Variants in CEP85L observed in about 807,000 individuals in gnomAD.
The protein encoded by CEP85L is centrosomal protein of 85 kDa-like.
A neutral mutation model predicts 100.3 loss-of-function variants in CEP85L; 60 were observed. That is an observed-to-expected ratio of 0.60 (90% CI 0.49 to 0.74). The LOEUF (loss-of-function observed/expected upper bound fraction) is 0.74, where lower values mean the gene tolerates loss of function less well. CEP85L is among the 30% of genes least tolerant of loss of function. The pLI is 0.00. For synonymous variants in CEP85L, 319 were observed against 322.7 expected (o/e 0.99, Z 0.12); for missense variants, 973 against 936.2 (o/e 1.04, Z -0.51).
At chr6:118,690,729 T>C (rs1777008807) in intron 1 of CEP85L, among the ~76,000 whole-genome samples, 1 of 152,242 alleles carries the variant, frequency 6.6e-6, no homozygotes, top group Admixed American at 6.5e-5. Flanking sequence ...CTTGGCATAG[T>C]GGCTCATGTC....
intron 6 of CEP85L, among the ~76,000 whole-genome samples, chr6:118,487,314 T>TA (rs1163007810): frequency 6.6e-6 from 1 of 152,176 alleles, no homozygotes; most frequent in Non-Finnish European, 1.5e-5. Context: ...TATGGATATA[T>TA]AATTAGGCAA....
intron 5 of CEP85L, among the ~76,000 whole-genome samples, chr6:118,497,158 G>A (rs1426022969): frequency 6.6e-6 from 1 of 152,226 alleles, no homozygotes; most frequent in Non-Finnish European, 1.5e-5. Flanking sequence ...TCAACTGCTT[G>A]AGACTGCAAA....
At chr6:118,558,442 T>G (rs1217194523) in intron 3 of CEP85L, among the ~76,000 whole-genome samples, 1 of 152,104 alleles carries the variant, frequency 6.6e-6, no homozygotes, top group African/African-American at 2.4e-5. Context: ...ATATGTTGTT[T>G]TGCGTAAAGT....
At chr6:118,642,504 T>C (rs1774941410) in intron 1 of CEP85L, among the ~76,000 whole-genome samples, 1 of 152,212 alleles carries the variant, frequency 6.6e-6, no homozygotes, top group Non-Finnish European at 1.5e-5. Context: ...AAGCAGTCAC[T>C]GAAGATGCTT....
chr6:118,690,072 T>TA (rs1374805810), intron 1 of CEP85L, among the ~76,000 whole-genome samples: 1 of 152,118 alleles, frequency 6.6e-6, no homozygotes, highest in African/African-American at 2.4e-5. Flanking sequence ...TCCTTCTGAG[T>TA]AGCTCAGTTT....
chr6:118,492,360 C>A (rs1774630842), intron 5 of CEP85L, among the ~76,000 whole-genome samples: 1 of 152,066 alleles, frequency 6.6e-6, no homozygotes, highest in African/African-American at 2.4e-5. Flanking sequence ...AAAGTAAGAT[C>A]CATGAATCGG....
rs1772387945 is a variant in CEP85L, at chr6:118,464,593, T to A, written c.*812A>T. 6.6e-6 allele frequency: 1 copy of A among 151,780 alleles called. No individual in the cohort carries two copies. The highest frequency in any genetic ancestry group is 1.9e-4 in the East Asian group (1 of 5,194). 9.4% of individuals were successfully genotyped at this position (151,780 alleles called of 1,614,324 possible). A position where few individuals can be genotyped will look rare whatever the true frequency, so the allele number is the denominator to read the frequency against. ...ATATGGCTTTGTTTACATTTATATA[T>A]GTATATATATAAAACATATAAATAA... On this transcript the variant is annotated 3_prime_UTR_variant, in exon 13 of 13. Transcript: ENST00000368491.
At chr6:118,650,117 C>A (rs1775447968) in intron 1 of CEP85L, among the ~76,000 whole-genome samples, 1 of 152,098 alleles carries the variant, frequency 6.6e-6, no homozygotes, top group South Asian at 2.1e-4. Flanking sequence ...GCAAAAATAT[C>A]TCTAAGTTAC....
chr6:118,611,672 T>C (rs966060978), intron 2 of CEP85L, among the ~76,000 whole-genome samples: 1 of 152,196 alleles, frequency 6.6e-6, no homozygotes, highest in Non-Finnish European at 1.5e-5. Flanking sequence ...ACATATGCCA[T>C]GTGAACATTA....
chr6:118,708,750 A>C (rs915935293), intron 1 of CEP85L, among the ~76,000 whole-genome samples: 2 of 152,118 alleles, frequency 1.3e-5, no homozygotes, highest in Non-Finnish European at 2.9e-5. Flanking sequence ...TTTTTCCTTG[A>C]ATAGACTTTT....
intron 10 of CEP85L, among the ~76,000 whole-genome samples, chr6:118,474,890 A>G (rs964453192): frequency 2.0e-5 from 3 of 152,240 alleles, no homozygotes; most frequent in African/African-American, 7.2e-5. Context: ...TCCATAGACT[A>G]CTTTCCCAGG....
intron 4 of CEP85L, among the ~76,000 whole-genome samples, chr6:118,514,498 C>A (rs1229797864): frequency 1.4e-5 from 2 of 137,968 alleles, no homozygotes; most frequent in Admixed American, 7.7e-5. Context: ...GCACTTCAGC[C>A]TGGGAGACAG....
In CEP85L at chr6:118,464,024, G is replaced by C. The variant is rs1772360519; in HGVS notation, c.*1381C>G. 6.6e-6 allele frequency: 1 copy of C among 152,120 alleles called. No homozygotes were observed. Among genetic ancestry groups the C allele is most frequent in the Non-Finnish European group, 1.5e-5 (1 of 67,988 alleles). The allele number at this position is 152,120 out of a possible 1,614,324, so 9.4% of individuals were successfully genotyped here. On this transcript the variant is annotated 3_prime_UTR_variant, in exon 13 of 13. Coordinates refer to ENST00000368491, the MANE Select transcript of CEP85L (RefSeq NM_001042475.3). ...TTATCAAATCAATATTATCCTGCTT[G>C]AGTCACACCCTCTACCCCTCCATCT...
At chr6:118,558,366 A>G (rs1779000031) in intron 3 of CEP85L, among the ~76,000 whole-genome samples, 1 of 152,170 alleles carries the variant, frequency 6.6e-6, no homozygotes. Flanking sequence ...TTTTGTGACC[A>G]GAAATATGCT....
At chr6:118,524,789 T>C (rs922630175) in intron 3 of CEP85L, among the ~76,000 whole-genome samples, 1 of 152,244 alleles carries the variant, frequency 6.6e-6, no homozygotes, top group Admixed American at 6.5e-5. Flanking sequence ...AGTGTGCAGA[T>C]GCTTCTGTGC....
chr6:118,494,888 A>C (rs928443523), intron 5 of CEP85L, among the ~76,000 whole-genome samples: 1 of 152,222 alleles, frequency 6.6e-6, no homozygotes, highest in Admixed American at 6.5e-5. Context: ...GGGATTTTTG[A>C]CAACTAGGAT....
chr6:118,671,191 A>G (rs1448980823), intron 1 of CEP85L, among the ~76,000 whole-genome samples: 3 of 152,160 alleles, frequency 2.0e-5, no homozygotes, highest in African/African-American at 7.2e-5. Flanking sequence ...GCCCTCTTGA[A>G]TTGCCTGGAA....
At chr6:118,680,408 T>A (rs1363758889) in intron 1 of CEP85L, among the ~76,000 whole-genome samples, 1 of 107,694 alleles carries the variant, frequency 9.3e-6, no homozygotes, top group Non-Finnish European at 1.9e-5. Context: ...TCAAAAATAA[T>A]CCCTCAAAAT....
intron 1 of CEP85L, among the ~76,000 whole-genome samples, chr6:118,676,006 A>G (rs1210673584): frequency 1.3e-5 from 2 of 152,206 alleles, no homozygotes; most frequent in Non-Finnish European, 2.9e-5. Context: ...TTAAGATCCA[A>G]TCAGGTGAAG....
Sources: gnomAD v4.1 joint callset for allele counts (sites outside exome capture counted in the v4.1 genomes callset) on GRCh38, gnomAD v4.1.1 for gene constraint, MANE v1.5 for transcripts, NCBI Gene and HGNC (gene_info 2026-07-23, HGNC 2026-07-21) for gene names.